Variants in AUTS2 observed in about 807,000 individuals in gnomAD.
AUTS2 encodes the protein activator of transcription and developmental regulator AUTS2.
AUTS2 carries 17 observed loss-of-function variants against 112.4 expected under a neutral mutation model. The ratio of observed to expected loss-of-function variants is 0.15; its 90% CI spans 0.10 to 0.23. AUTS2 has a LOEUF of 0.23. Ranked by LOEUF, AUTS2 falls within the 10% of genes least tolerant of loss-of-function variation. The pLI is 1.00. For synonymous variants in AUTS2, 751 were observed against 702.7 expected (o/e 1.07, Z -1.09); for missense variants, 1,510 against 1,701.6 (o/e 0.89, Z 1.98).
chr7:69,604,580 G>A (rs535636477), intron 1 of AUTS2, among the ~76,000 whole-genome samples: 2 of 152,186 alleles, frequency 1.3e-5, no homozygotes, highest in Non-Finnish European at 1.5e-5. Flanking sequence ...GACCTAGAAG[G>A]GTGAAGTGAT....
intron 1 of AUTS2, among the ~76,000 whole-genome samples, chr7:69,803,998 C>A (rs1365631968): frequency 3.9e-5 from 6 of 152,190 alleles, no homozygotes; most frequent in African/African-American, 1.4e-4. Flanking sequence ...CACCACAGCA[C>A]TCTAGCCTGG....
At chr7:70,003,409 A>ATATGAATATGTTATG (rs1799320921) in intron 2 of AUTS2, among the ~76,000 whole-genome samples, 1 of 125,334 alleles carries the variant, frequency 8.0e-6, no homozygotes, top group Non-Finnish European at 1.5e-5. Flanking sequence ...TATATAATAT[A>ATATGAATATGTTATG]TATGAATATG....
intron 1 of AUTS2, among the ~76,000 whole-genome samples, chr7:69,749,778 T>C (rs1032743890): frequency 2.6e-5 from 4 of 152,182 alleles, no homozygotes; most frequent in African/African-American, 9.6e-5. Context: ...TCTAGTGAAA[T>C]ACACAAAAAT....
intron 5 of AUTS2, among the ~76,000 whole-genome samples, chr7:70,589,309 G>C (rs1802829341): frequency 6.6e-6 from 1 of 152,238 alleles, no homozygotes; most frequent in Non-Finnish European, 1.5e-5. Context: ...GGGGCGAAGT[G>C]GAGCTGCAGG....
chr7:70,784,770 A>C (rs925925335), intron 15 of AUTS2, 172 bp from the exon 16 acceptor site: 1,943 of 175,880 alleles, frequency 0.011, 90 homozygotes, highest in Non-Finnish European at 0.016. Flanking sequence ...AAAAAAAAAA[A>C]AAACACACAT....
At chr7:70,721,057 T>C (rs538723006) in intron 6 of AUTS2, among the ~76,000 whole-genome samples, 11 of 151,072 alleles carry the variant, frequency 7.3e-5, no homozygotes, top group Non-Finnish European at 1.2e-4. Flanking sequence ...TCTTCAATCT[T>C]GGGAATTTCT....
chr7:70,275,670 G>A (rs565493946), intron 4 of AUTS2, among the ~76,000 whole-genome samples: 2 of 152,240 alleles, frequency 1.3e-5, no homozygotes, highest in African/African-American at 4.8e-5. Context: ...GGGATCTGGT[G>A]GAGAGAATTG....
At position 70,247,691 on chromosome 7, in the gene AUTS2, TCATAATGAG is replaced by T. The variant is rs1812998674; in HGVS notation, c.660+113124_660+113132del. ...CTAGATTTCTGTATATGCAGTAATG[TCATAATGAG>T]CATTTTGTTTCATCTTTTCCAATCT... On this transcript the variant is annotated intron_variant, in intron 4 of 18. Transcript: ENST00000342771. 2.0e-5 allele frequency among the ~76,000 whole-genome samples: 3 copies of T among 152,192 alleles called. 1 individual carries two copies. The South Asian group carries it at 6.2e-4, about 31-fold the overall frequency.
intron 5 of AUTS2, among the ~76,000 whole-genome samples, chr7:70,618,425 C>T (rs1417206663): frequency 1.3e-5 from 2 of 152,228 alleles, no homozygotes; most frequent in African/African-American, 4.8e-5. Context: ...TTGGGTTTTA[C>T]TTAGCTCGCA....
At chr7:70,769,690 A>T (rs1478061871) in intron 10 of AUTS2, among the ~76,000 whole-genome samples, 1 of 150,072 alleles carries the variant, frequency 6.7e-6, no homozygotes, top group Admixed American at 6.6e-5. Context: ...ATTTCAAAAA[A>T]TAATAATAAT....
chr7:69,664,943 A>T (rs1795963400), intron 1 of AUTS2, among the ~76,000 whole-genome samples: 1 of 152,182 alleles, frequency 6.6e-6, no homozygotes, highest in Non-Finnish European at 1.5e-5. Flanking sequence ...TACAAATGTT[A>T]GTTCTGGAAT....
intron 2 of AUTS2, among the ~76,000 whole-genome samples, chr7:70,088,780 T>C (rs544785836): frequency 2.2e-4 from 33 of 151,966 alleles, no homozygotes; most frequent in Middle Eastern, 3.4e-3. Flanking sequence ...GCCCAGCTAA[T>C]TTTTTGTATT....
At chr7:70,194,043 A>G (rs1351258315) in intron 4 of AUTS2, among the ~76,000 whole-genome samples, 1 of 152,212 alleles carries the variant, frequency 6.6e-6, no homozygotes, top group Non-Finnish European at 1.5e-5. Context: ...CCATGAAAAG[A>G]TGATAAAGGA....
intron 4 of AUTS2, among the ~76,000 whole-genome samples, chr7:70,277,558 A>C (rs1024455784): frequency 2.0e-5 from 3 of 152,212 alleles, no homozygotes; most frequent in Non-Finnish European, 2.9e-5. Context: ...TTGTGACAGC[A>C]TGGTCACATC....
intron 6 of AUTS2, among the ~76,000 whole-genome samples, chr7:70,728,290 G>T (rs960902337): frequency 1.3e-5 from 2 of 152,186 alleles, no homozygotes; most frequent in East Asian, 3.8e-4. Context: ...AAAGTTAGAA[G>T]AGAATCCTAA....
At position 70,504,621 on chromosome 7, in the gene AUTS2, G is replaced by C. The variant is rs537878158; in HGVS notation, c.690+68840G>C. 1.4e-4 allele frequency among the ~76,000 whole-genome samples: 21 copies of C among 152,268 alleles called. No individual in the cohort carries two copies. In the East Asian group the frequency reaches 2.7e-3, roughly 20 times the overall value. On this transcript the variant is annotated intron_variant, in intron 5 of 18. Coordinates refer to ENST00000342771, the MANE Select transcript of AUTS2 (RefSeq NM_015570.4). ...GAAGGTTGGACAATATCAGTTACTTGATTGGTATCTTCTCCTTTGATATAT... is the reference window on the plus strand; with the variant it reads ...GAAGGTTGGACAATATCAGTTACTTCATTGGTATCTTCTCCTTTGATATAT...
intron 6 of AUTS2, among the ~76,000 whole-genome samples, chr7:70,709,989 T>C (rs939814146): frequency 2.0e-5 from 3 of 152,100 alleles, no homozygotes; most frequent in African/African-American, 7.2e-5. Flanking sequence ...TGGCTACAAT[T>C]TGAATACCAG....
intron 5 of AUTS2, among the ~76,000 whole-genome samples, chr7:70,635,269 T>TCA (rs1563091119): frequency 2.6e-5 from 4 of 152,226 alleles, no homozygotes; most frequent in African/African-American, 7.2e-5. Flanking sequence ...CATTCAGATG[T>TCA]GCCTCTCCTG....
At chr7:70,151,126 A>T (rs1158737283) in intron 4 of AUTS2, among the ~76,000 whole-genome samples, 1 of 152,212 alleles carries the variant, frequency 6.6e-6, no homozygotes, top group African/African-American at 2.4e-5. Context: ...TCCAGGAAGA[A>T]CAAGGTAGCA....
Sources: allele counts gnomAD v4.1 joint callset (sites outside exome capture counted in the v4.1 genomes callset), GRCh38; gene constraint gnomAD v4.1.1; transcripts MANE v1.5; gene names NCBI Gene and HGNC (gene_info 2026-07-23, HGNC 2026-07-21).